ZNF385D: variants seen among roughly 807,000 people sequenced by gnomAD.
The protein encoded by ZNF385D is zinc finger protein 385D.
ZNF385D carries 15 observed loss-of-function variants against 35.8 expected under a neutral mutation model. That is an observed-to-expected ratio of 0.42 (90% CI 0.28 to 0.64). The LOEUF is 0.64. Among genes scored for constraint, ZNF385D ranks in the 30% least tolerant of loss-of-function variants. ZNF385D has a pLI of 0.23. For synonymous variants in ZNF385D, 212 were observed against 186.8 expected (o/e 1.13, Z -1.10); for missense variants, 474 against 494.6 (o/e 0.96, Z 0.39).
intron 2 of ZNF385D, among the ~76,000 whole-genome samples, chr3:22,277,493 C>T (rs1440171540): frequency 6.6e-6 from 1 of 151,944 alleles, no homozygotes; most frequent in Non-Finnish European, 1.5e-5. Flanking sequence ...GAAAAAAGTA[C>T]CAAAAGCCCA....
chr3:22,185,531 G>T (rs540587337), intron 2 of ZNF385D, among the ~76,000 whole-genome samples: 1 of 152,050 alleles, frequency 6.6e-6, no homozygotes, highest in African/African-American at 2.4e-5. Flanking sequence ...AGTGCAGTGC[G>T]ATCTTGGCTC....
intron 3 of ZNF385D, among the ~76,000 whole-genome samples, chr3:22,033,993 C>T (rs977221145): frequency 6.6e-6 from 1 of 152,098 alleles, no homozygotes; most frequent in African/African-American, 2.4e-5. Context: ...TAGGACAGTC[C>T]CTTTTTTAAA....
chr3:22,078,635 A>G (rs1042824843), intron 3 of ZNF385D, among the ~76,000 whole-genome samples: 2 of 152,092 alleles, frequency 1.3e-5, no homozygotes, highest in Non-Finnish European at 2.9e-5. Context: ...ATTATCTTCA[A>G]AACAGAAATC....
At chr3:22,116,519 G>C (rs1429098016) in intron 3 of ZNF385D, among the ~76,000 whole-genome samples, 1 of 151,848 alleles carries the variant, frequency 6.6e-6, no homozygotes, top group African/African-American at 2.4e-5. Context: ...AGTGGGTGAA[G>C]AAAACAGAAA....
At chr3:22,268,138 G>A (rs1700988881) in intron 2 of ZNF385D, among the ~76,000 whole-genome samples, 1 of 151,644 alleles carries the variant, frequency 6.6e-6, no homozygotes, top group African/African-American at 2.4e-5. Context: ...ACATGAAATG[G>A]CAATTTAAAA....
At chr3:21,506,245 T>C (rs568284972) in intron 4 of ZNF385D, among the ~76,000 whole-genome samples, 2 of 152,112 alleles carry the variant, frequency 1.3e-5, no homozygotes, top group African/African-American at 2.4e-5. Context: ...AAGAGCCTTT[T>C]CCCCTCTTCC....
chr3:21,606,058 C>A (rs2064471786), intron 2 of ZNF385D, among the ~76,000 whole-genome samples: 1 of 152,210 alleles, frequency 6.6e-6, no homozygotes, highest in Non-Finnish European at 1.5e-5. Context: ...GCTCTACCAT[C>A]TGCATTCTTT....
intron 3 of ZNF385D, among the ~76,000 whole-genome samples, chr3:22,115,822 A>C (rs1371490879): frequency 2.0e-5 from 3 of 152,096 alleles, no homozygotes; most frequent in African/African-American, 7.2e-5. Context: ...CGCTAGCAGG[A>C]AGGTTTAACC....
rs113650588 is a variant in ZNF385D, at chr3:21,959,358, AT to A, written c.325+209458del. Among the ~76,000 whole-genome samples the A allele has an allele frequency of 2.1e-3, 318 of 151,780 alleles. 2 individuals carry two copies. The highest frequency in any genetic ancestry group is 7.1e-3 in the African/African-American group (295 of 41,438). ...GGAAATGCAATTGCTCCTTCAGGAT[AT>A]TTTTTTTTCATTTGTCCAGCCAAAA... On this transcript the variant is annotated intron_variant, in intron 3 of 5. Coordinates refer to the ZNF385D transcript ENST00000494108.
At chr3:22,255,174 G>T (rs1227556531) in intron 2 of ZNF385D, among the ~76,000 whole-genome samples, 1 of 150,936 alleles carries the variant, frequency 6.6e-6, no homozygotes, top group East Asian at 1.9e-4. Flanking sequence ...CTTGAAAAAT[G>T]CTCATAAGAA....
chr3:21,825,805 C>T (rs1694572818), intron 3 of ZNF385D, among the ~76,000 whole-genome samples: 1 of 152,212 alleles, frequency 6.6e-6, no homozygotes, highest in South Asian at 2.1e-4. Context: ...CGGACCAGAA[C>T]CAGTCCCTCG....
chr3:22,158,420 A>G (rs78599481), intron 3 of ZNF385D, among the ~76,000 whole-genome samples: 2 of 151,806 alleles, frequency 1.3e-5, no homozygotes, highest in African/African-American at 4.8e-5. Context: ...TTTTTATCCC[A>G]TTTCTTTTAC....
chr3:21,864,620 C>T (rs1320457983), intron 3 of ZNF385D, among the ~76,000 whole-genome samples: 6 of 152,016 alleles, frequency 3.9e-5, no homozygotes, highest in Non-Finnish European at 4.4e-5. Flanking sequence ...ATAAAATAAT[C>T]AAATATGATC....
At chr3:21,859,660 T>A (rs1332173143) in intron 3 of ZNF385D, among the ~76,000 whole-genome samples, 1 of 133,000 alleles carries the variant, frequency 7.5e-6, no homozygotes, top group Non-Finnish European at 1.6e-5. Context: ...TTGCTGGCTG[T>A]GACTCCAAAG....
Position 22,298,558 on chromosome 3 carries a change from CAT to C in ZNF385D, c.106+73890_106+73891del, listed in dbSNP as rs1388556916. ...CATAAAACATTTATGTATATACACA[CAT>C]ACACACACACACACATATATGTATG... is the stretch of plus-strand genomic sequence containing the variant. On this transcript the variant is annotated intron_variant, in intron 2 of 5. Coordinates refer to the ZNF385D transcript ENST00000494108. Among the ~76,000 whole-genome samples the C allele has an allele frequency of 2.8e-4, 40 of 143,022 alleles. 1 individual carries two copies. The South Asian group carries it at 8.2e-3, about 29-fold the overall frequency. The allele number at this position is 143,022 out of a possible 152,430, so 93.8% of individuals were successfully genotyped here. A position where few individuals can be genotyped will look rare whatever the true frequency, so the allele number is the denominator to read the frequency against.
intron 3 of ZNF385D, among the ~76,000 whole-genome samples, chr3:21,925,718 C>G (rs1298140965): frequency 6.6e-6 from 1 of 151,998 alleles, no homozygotes; most frequent in African/African-American, 2.4e-5. Context: ...TATTTACAAA[C>G]CAGATGTCCA....
At chr3:22,283,673 A>C (rs1701882000) in intron 2 of ZNF385D, among the ~76,000 whole-genome samples, 1 of 152,294 alleles carries the variant, frequency 6.6e-6, no homozygotes, top group African/African-American at 2.4e-5. Flanking sequence ...CACGGGTAAT[A>C]GTAACTCCTA....
In ZNF385D at chr3:22,305,797, C is replaced by T. The variant is rs185537694; in HGVS notation, c.106+66653G>A. Reference sequence around the variant, plus strand: ...TCATGAACAACCAATGATTACTACACTAATTAACAGGGCAGTTATATTCTC... The same window carrying T: ...TCATGAACAACCAATGATTACTACATTAATTAACAGGGCAGTTATATTCTC... On this transcript the variant is annotated intron_variant, in intron 2 of 5. Coordinates refer to the ZNF385D transcript ENST00000494108. Among the ~76,000 whole-genome samples, 293 of 152,284 alleles carry T rather than the reference C, an allele frequency of 1.9e-3. 2 individuals carry two copies. Among genetic ancestry groups the T allele is most frequent in the Non-Finnish European group, 1.7e-3 (115 of 68,028 alleles).
At chr3:21,630,757 CCAT>C (rs1441371079) in intron 2 of ZNF385D, among the ~76,000 whole-genome samples, 1 of 152,068 alleles carries the variant, frequency 6.6e-6, no homozygotes, top group African/African-American at 2.4e-5. Context: ...GTGATCCTCA[CCAT>C]CATCATAATA....
Sources: allele counts gnomAD v4.1 joint callset (sites outside exome capture counted in the v4.1 genomes callset), GRCh38; gene constraint gnomAD v4.1.1; transcripts MANE v1.5; gene names NCBI Gene and HGNC (gene_info 2026-07-23, HGNC 2026-07-21).